Variants in CSNK2A1 observed in about 807,000 individuals in gnomAD.
CSNK2A1 encodes casein kinase II subunit alpha.
In CSNK2A1, 10 loss-of-function variants were observed where a neutral mutation model predicts 62.9. The observed-to-expected ratio is 0.16, with a 90% CI of 0.10 to 0.27. The LOEUF is 0.27. CSNK2A1 is among the 10% of genes least tolerant of loss of function. The probability of loss-of-function intolerance (pLI) is 1.00; values close to 1 mark genes in which losing one functional copy is unlikely to be tolerated. For missense variants in CSNK2A1, 160 were observed against 492.0 expected, an observed-to-expected ratio of 0.33 and a Z score of 6.38; for synonymous variants, 124 against 167.8, an observed-to-expected ratio of 0.74 and a Z score of 2.02.
chr20:530,730 C>T (rs1263072018), intron 1 of CSNK2A1, among the ~76,000 whole-genome samples: 1 of 152,148 alleles, frequency 6.6e-6, no homozygotes, highest in Non-Finnish European at 1.5e-5. Context: ...CCATCTTAGC[C>T]TTCCAAAGTG....
intron 7 of CSNK2A1, among the ~76,000 whole-genome samples, chr20:497,167 GTATT>G (rs1361966147): frequency 6.6e-6 from 1 of 152,032 alleles, no homozygotes; most frequent in African/African-American, 2.4e-5. Context: ...ATTTATTTAT[GTATT>G]TAGAGACAGG....
chr20:516,824 A>G (rs968167573), intron 2 of CSNK2A1, among the ~76,000 whole-genome samples: 5 of 152,148 alleles, frequency 3.3e-5, no homozygotes, highest in African/African-American at 1.2e-4. Flanking sequence ...GTTCTTTTTA[A>G]CCCTAATGTT....
In CSNK2A1 at chr20:476,036, A is replaced by G. The variant is rs1017568268; in HGVS notation, c.*7925T>C. ...AAAAGAAAGAAAAAATTTGTCTGCAATGACTGGCTAGGAACCTGGACAGAT... is the reference window on the plus strand; with the variant it reads ...AAAAGAAAGAAAAAATTTGTCTGCAGTGACTGGCTAGGAACCTGGACAGAT... On this transcript the variant is annotated 3_prime_UTR_variant, in exon 14 of 14. Transcript: ENST00000217244. 1.3e-5 allele frequency: 2 copies of G among 152,314 alleles called. No individual in the cohort carries two copies. Among genetic ancestry groups the G allele is most frequent in the African/African-American group, 2.4e-5 (1 of 41,472 alleles). The allele number at this position is 152,314 out of a possible 1,614,324, so 9.4% of individuals were successfully genotyped here. A position where few individuals can be genotyped will look rare whatever the true frequency, so the allele number is the denominator to read the frequency against.
chr20:496,011 T>C, intron 7 of CSNK2A1: 3 of 512,166 alleles, frequency 5.9e-6, no homozygotes, highest in Non-Finnish European at 1.1e-5. Context: ...GATCTTTTTC[T>C]GACACAGTTG....
chr20:489,979 A>T, intron 9 of CSNK2A1, 98 bp from the exon 10 acceptor site: 1 of 924,786 alleles, frequency 1.1e-6, no homozygotes, highest in Non-Finnish European at 1.5e-6. Context: ...AAATCACTCC[A>T]CTGACTCAAA....
chr20:542,198 C>A (rs1294766873), intron 1 of CSNK2A1, among the ~76,000 whole-genome samples: 1 of 152,200 alleles, frequency 6.6e-6, no homozygotes, highest in Non-Finnish European at 1.5e-5. Flanking sequence ...CTGTAGTAAG[C>A]ACTTGACACA....
rs996052271 is a variant in CSNK2A1, at chr20:473,176, G to A, written c.*10785C>T. 2 of 152,440 alleles carry A rather than the reference G, an allele frequency of 1.3e-5. No homozygotes were observed. The highest frequency in any genetic ancestry group is 2.9e-5 in the Non-Finnish European group (2 of 68,226). 9.4% of individuals were successfully genotyped at this position (152,440 alleles called of 1,614,324 possible). ...CATGTGTGCTCCCTGCTCAGCTTTA[G>A]GTCCTCCCTTTGTGACCCTCAGAAA... On this transcript the variant is annotated 3_prime_UTR_variant, in exon 14 of 14. Coordinates refer to ENST00000217244, the MANE Select transcript of CSNK2A1 (RefSeq NM_177559.3).
intron 8 of CSNK2A1, among the ~76,000 whole-genome samples, chr20:493,765 C>G (rs968767032): frequency 1.3e-5 from 2 of 152,196 alleles, no homozygotes; most frequent in African/African-American, 4.8e-5. Flanking sequence ...ACACACATGT[C>G]CTGTGTGTTA....
intron 12 of CSNK2A1, chr20:486,795 A>G (rs953254970): frequency 1.8e-5 from 5 of 275,444 alleles, no homozygotes; most frequent in East Asian, 1.6e-4. Flanking sequence ...AGACGGTAAT[A>G]TATTACCAGT....
rs1392689296 is a variant in CSNK2A1, at chr20:482,896, C to T, written c.*1065G>A. ...GGCTCTGCTCCTACCTCTCAAGATA[C>T]ATTTACAAGACTGAGGAGCAGGTCT... On this transcript the variant is annotated 3_prime_UTR_variant, in exon 14 of 14. Transcript: ENST00000217244. The T allele has an allele frequency of 1.3e-5, 2 of 152,582 alleles. No homozygotes were observed. Among genetic ancestry groups the T allele is most frequent in the African/African-American group, 4.8e-5 (2 of 41,438 alleles). The allele number at this position is 152,582 out of a possible 1,614,324, so 9.5% of individuals were successfully genotyped here. A position where few individuals can be genotyped will look rare whatever the true frequency, so the allele number is the denominator to read the frequency against.
intron 8 of CSNK2A1, among the ~76,000 whole-genome samples, chr20:493,775 A>ATAAC (rs1166885144): frequency 6.6e-6 from 1 of 152,200 alleles, no homozygotes; most frequent in Non-Finnish European, 1.5e-5. Flanking sequence ...CCTGTGTGTT[A>ATAAC]GCCCAACCCC....
At position 499,547 on chromosome 20, in the gene CSNK2A1, T is replaced by C. The variant is rs2018415207; in HGVS notation, c.316-242A>G. ...CACCAGGCTCTAGGCAGCCCGACAATGCGCCCATCGCCCATCGGCATCGGA... is the reference window on the plus strand; with the variant it reads ...CACCAGGCTCTAGGCAGCCCGACAACGCGCCCATCGCCCATCGGCATCGGA... On this transcript the variant is annotated intron_variant, in intron 5 of 13. Transcript: ENST00000217244. The surrounding 1 kb of genome is among the most constrained non-coding windows in gnomAD (Gnocchi z 4.2). 7 of 553,322 alleles carry C rather than the reference T, an allele frequency of 1.3e-5. No individual in the cohort carries two copies. The highest frequency in any genetic ancestry group is 2.2e-5 in the Non-Finnish European group (7 of 317,324). The allele number at this position is 553,322 out of a possible 1,614,324, so 34.3% of individuals were successfully genotyped here. A position where few individuals can be genotyped will look rare whatever the true frequency, so the allele number is the denominator to read the frequency against.
At chr20:533,938 C>A (rs2019262215) in intron 1 of CSNK2A1, among the ~76,000 whole-genome samples, 1 of 152,206 alleles carries the variant, frequency 6.6e-6, no homozygotes, top group Non-Finnish European at 1.5e-5. Flanking sequence ...CACCTTTTTA[C>A]CACGCCATAT....
At chr20:490,335 CT>C (rs907727482) in intron 9 of CSNK2A1, among the ~76,000 whole-genome samples, 1,144 of 84,790 alleles carry the variant, frequency 0.013, 33 homozygotes, top group African/African-American at 0.057. Context: ...CTAGTTTTTT[CT>C]TTTTTTTTTT....
chr20:506,101 C>T (rs924232127), intron 3 of CSNK2A1: 1 of 152,030 alleles, frequency 6.6e-6, no homozygotes, highest in Non-Finnish European at 1.5e-5. Context: ...TGGTCTCGAT[C>T]TCCTGACCTT....
At chr20:516,384 T>C (rs1395297733) in intron 2 of CSNK2A1, among the ~76,000 whole-genome samples, 1 of 152,220 alleles carries the variant, frequency 6.6e-6, no homozygotes. Context: ...AAAAGTATCA[T>C]GTCAATGAAT....
At chr20:517,718 T>C (rs541503750) in intron 2 of CSNK2A1, among the ~76,000 whole-genome samples, 21 of 152,330 alleles carry the variant, frequency 1.4e-4, no homozygotes, top group African/African-American at 5.1e-4. Context: ...TAAAGACCTA[T>C]AATTTTGCAC....
intron 1 of CSNK2A1, 126 bp downstream of exon 1, chr20:543,546 G>C (rs886248661): frequency 1.0e-5 from 4 of 396,038 alleles, no homozygotes; most frequent in Non-Finnish European, 1.8e-5. Context: ...GTGTGAAGGT[G>C]GGGGCAGGGG....
In CSNK2A1 at chr20:487,416, T is replaced by C. The variant is rs1488309416; in HGVS notation, c.973+11A>G. 1 of 1,613,390 alleles carries C rather than the reference T, an allele frequency of 6.2e-7. No individual in the cohort carries two copies. The highest frequency in any genetic ancestry group is 2.2e-5 in the East Asian group (1 of 44,878). Reference sequence around the variant, plus strand: ...CTGCACAAACTCTGTGGGCTAGATATCTGGACTCACAGAAATAGGGGTGCT... The same window carrying C: ...CTGCACAAACTCTGTGGGCTAGATACCTGGACTCACAGAAATAGGGGTGCT... On this transcript the variant is annotated intron_variant, in intron 12 of 13. Transcript: ENST00000217244.
Sources: gnomAD v4.1 joint callset for allele counts (sites outside exome capture counted in the v4.1 genomes callset) on GRCh38, gnomAD v4.1.1 for gene constraint, Gnocchi (gnomAD v3.1) non-coding constraint, MANE v1.5 for transcripts, NCBI Gene and HGNC (gene_info 2026-07-23, HGNC 2026-07-21) for gene names.